Variants in CARHSP1 observed in about 807,000 individuals in gnomAD.
CARHSP1 encodes calcium regulated heat stable protein 1.
CARHSP1 carries 14 observed loss-of-function variants against 12.5 expected under a neutral mutation model. The ratio of observed to expected loss-of-function variants is 1.12; its 90% CI spans 0.74 to 1.75. The LOEUF is 1.75. CARHSP1 is among the 40% of genes most tolerant of loss of function. The probability of loss-of-function intolerance (pLI) is 0.00; values close to 1 mark genes in which losing one functional copy is unlikely to be tolerated. For synonymous variants in CARHSP1, 161 were observed against 82.0 expected (o/e 1.96, Z -5.20); for missense variants, 343 against 201.6 (o/e 1.70, Z -4.25).
chr16:8,858,666 G>A (rs2061236783), intron 2 of CARHSP1, 194 bp from the exon 3 acceptor site: 6 of 651,466 alleles, frequency 9.2e-6, no homozygotes, highest in African/African-American at 1.8e-5. Context: ...GGACTCTTTG[G>A]ATGACCCTGG....
chr16:8,863,869 C>G (rs1454569836), intron 1 of CARHSP1, among the ~76,000 whole-genome samples: 2 of 152,304 alleles, frequency 1.3e-5, no homozygotes, highest in East Asian at 1.9e-4. Context: ...TGGGGCCACA[C>G]AGCAGCCCCG....
chr16:8,856,465 ATTTC>A (rs1423422633), intron 3 of CARHSP1, among the ~76,000 whole-genome samples: 4 of 152,122 alleles, frequency 2.6e-5, no homozygotes, highest in Non-Finnish European at 5.9e-5. Context: ...CTTCCTAAAT[ATTTC>A]TTTGCCCCAA....
chr16:8,859,251 G>T lies in CARHSP1; in HGVS notation c.78C>A (p.Ser26Arg). 1.9e-6 allele frequency: 3 copies of T among 1,601,006 alleles called. No individual in the cohort carries two copies. Among genetic ancestry groups the T allele is most frequent in the Non-Finnish European group, 2.5e-6 (3 of 1,176,554 alleles). Residue 26 changes from serine to arginine, a missense_variant, in exon 2 of 4, where the codon AGC becomes AGA. By Grantham distance (110) the Ser-to-Arg change is moderately radical (BLOSUM62 -1). Transcript: ENST00000311052. ...ASVGLLDTPR[S>R]RERSPSPLRG... ...GCAGAGGGGATGGTGAGCGCTCACG[G>T]CTCCGAGGGGTGTCCAGCAGCCCGA...
chr16:8,866,669 G>A (rs1180815304), intron 1 of CARHSP1, among the ~76,000 whole-genome samples: 2 of 151,928 alleles, frequency 1.3e-5, no homozygotes, highest in Non-Finnish European at 2.9e-5. Context: ...GGGAGAGCGG[G>A]GGGTCTGGCG....
At chr16:8,866,535 G>C in intron 1 of CARHSP1, 1 of 909,480 alleles carries the variant, frequency 1.1e-6, no homozygotes, top group Non-Finnish European at 1.3e-6. Context: ...CGTGGGCCGA[G>C]AGGCGGGGCG....
chr16:8,859,536 C>A (rs533146945), intron 1 of CARHSP1, among the ~76,000 whole-genome samples: 3 of 151,784 alleles, frequency 2.0e-5, no homozygotes, highest in East Asian at 2.0e-4. Flanking sequence ...GGGGCCCCCT[C>A]GATCATAGCT....
At chr16:8,855,436 A>C (rs1234291399) in intron 3 of CARHSP1, 110 bp from the exon 4 acceptor site, 1 of 968,444 alleles carries the variant, frequency 1.0e-6, no homozygotes, top group African/African-American at 1.7e-5. Flanking sequence ...GCACCATCTG[A>C]CCAACCACCG....
chr16:8,864,628 G>C (rs1036931564), intron 1 of CARHSP1, among the ~76,000 whole-genome samples: 3 of 152,210 alleles, frequency 2.0e-5, no homozygotes, highest in African/African-American at 7.2e-5. Flanking sequence ...AGCAGGGTAA[G>C]GGGGAGAGGC....
intron 1 of CARHSP1, chr16:8,861,713 G>C (rs961360977): frequency 2.3e-5 from 30 of 1,288,150 alleles, no homozygotes; most frequent in Non-Finnish European, 2.9e-5. Context: ...AGGAACTCCT[G>C]AGTCCGGGGA....
chr16:8,868,946 C>G lies in CARHSP1; in HGVS notation c.-8+20G>C, dbSNP rs552563820. On this transcript the variant is annotated intron_variant, in intron 1 of 3. Transcript: ENST00000311052. ...GGGCCAGGGGCGCCTATCCTGGGGT[C>G]CCCGAGAAGAGCTCCCTACCCTGCA... 5 of 152,158 alleles carry G rather than the reference C, an allele frequency of 3.3e-5. No homozygotes were observed. The highest frequency in any genetic ancestry group is 9.6e-5 in the African/African-American group (4 of 41,512). The allele number at this position is 152,158 out of a possible 1,614,324, so 9.4% of individuals were successfully genotyped here. A position where few individuals can be genotyped will look rare whatever the true frequency, so the allele number is the denominator to read the frequency against.
At chr16:8,855,643 G>A (rs1052026937) in intron 3 of CARHSP1, among the ~76,000 whole-genome samples, 5 of 152,018 alleles carry the variant, frequency 3.3e-5, no homozygotes, top group African/African-American at 1.2e-4. Flanking sequence ...GCTTGTGACT[G>A]AAGAGTAAAG....
intron 2 of CARHSP1, 70 bp downstream of exon 2, chr16:8,859,101 A>G: frequency 1.4e-6 from 2 of 1,433,950 alleles, no homozygotes; most frequent in Admixed American, 2.3e-5. Context: ...ATGGCCAGAG[A>G]CACAGTGAAT....
chr16:8,859,202 G>T lies in CARHSP1; in HGVS notation c.127C>A (p.Leu43Met), dbSNP rs370691384. ...PLRGNVVPSP[L>M]PTRRTRTFSA... Reference sequence around the variant, plus strand: ...AAGGTCCTCGTCCGGCGAGTGGGCAGTGGGCTTGGGACCACGTTGCCCCGC... The same window carrying T: ...AAGGTCCTCGTCCGGCGAGTGGGCATTGGGCTTGGGACCACGTTGCCCCGC... The change falls in exon 2 of 4, where the codon CTG (leucine) becomes ATG (methionine). Residue 43 changes from leucine to methionine, a missense_variant. Physicochemically the swap from Leu to Met is conservative, Grantham distance 15. Transcript: ENST00000311052. 5 of 1,603,654 alleles carry T rather than the reference G, an allele frequency of 3.1e-6. No homozygotes were observed. Among genetic ancestry groups the T allele is most frequent in the Non-Finnish European group, 4.3e-6 (5 of 1,175,852 alleles).
chr16:8,860,354 G>C (rs1278464652), intron 1 of CARHSP1: 4 of 985,338 alleles, frequency 4.1e-6, no homozygotes, highest in African/African-American at 1.7e-5. Context: ...GTATGTACCG[G>C]TAAATCCAGC....
In CARHSP1 at chr16:8,861,199, T is replaced by TA. The variant is rs1567187145; in HGVS notation, c.-7-1865dup. On this transcript the variant is annotated intron_variant, in intron 1 of 3. Coordinates refer to ENST00000311052, the MANE Select transcript of CARHSP1 (RefSeq NM_014316.4). ...TTTTTTTTTTTTTTTTTTTTTTTTT[T>TA]ATAGAGACAGGGTATCACTATGTTG... Among the ~76,000 whole-genome samples the TA allele has an allele frequency of 5.0e-4, 30 of 60,604 alleles. 1 individual carries two copies. The highest frequency in any genetic ancestry group is 1.5e-3 in the Admixed American group (8 of 5,224). The allele number at this position is 60,604 out of a possible 152,430, so 39.8% of individuals were successfully genotyped here.
intron 3 of CARHSP1, among the ~76,000 whole-genome samples, chr16:8,857,008 G>C (rs2061137742): frequency 6.6e-6 from 1 of 152,154 alleles, no homozygotes; most frequent in South Asian, 2.1e-4. Flanking sequence ...GGGCAGGACA[G>C]CCCCCAGCCT....
At chr16:8,858,081 C>A (rs974987641) in intron 3 of CARHSP1, 3 of 481,024 alleles carry the variant, frequency 6.2e-6, no homozygotes, top group African/African-American at 5.9e-5. Context: ...ACCTTACACA[C>A]CCATTCACAA....
chr16:8,855,442 C>T (rs540313739), intron 3 of CARHSP1, 116 bp from the exon 4 acceptor site: 495 of 858,010 alleles, frequency 5.8e-4, no homozygotes, highest in Non-Finnish European at 7.5e-4. Context: ...TCTGACCAAC[C>T]ACCGGGAACC....
In CARHSP1 at chr16:8,858,443, T is replaced by A. The variant is rs372411992; in HGVS notation, c.188A>T (p.Tyr63Phe). ...ATVRASQGPV[Y>F]KGVCKCFCRS... Reference sequence around the variant, plus strand: ...GCAGAAGCATTTGCAGACTCCTTTGTAGACGGGGCCCTGTGAAGCCCGCAC... The same window carrying A: ...GCAGAAGCATTTGCAGACTCCTTTGAAGACGGGGCCCTGTGAAGCCCGCAC... The change falls in exon 3 of 4, where the codon TAC becomes TTC. Residue 63 changes from tyrosine (Y) to phenylalanine (F), a missense_variant. Tyr to Phe is a conservative substitution (Grantham distance 22). Transcript: ENST00000311052. The A allele has an allele frequency of 2.9e-5, 47 of 1,613,834 alleles. No homozygotes were observed. In the African/African-American group the frequency reaches 5.7e-4, roughly 20 times the overall value.
Sources: allele counts gnomAD v4.1 joint callset (sites outside exome capture counted in the v4.1 genomes callset), GRCh38; gene constraint gnomAD v4.1.1; transcripts MANE v1.5; gene names NCBI Gene and HGNC (gene_info 2026-07-23, HGNC 2026-07-21).